KCTD16: variants seen among roughly 807,000 people sequenced by gnomAD.
The protein encoded by KCTD16 is potassium channel tetramerization domain containing 16, also known as BTB/POZ domain-containing protein KCTD16.
KCTD16 carries 13 observed loss-of-function variants against 33.2 expected under a neutral mutation model. That is an observed-to-expected ratio of 0.39 (90% CI 0.25 to 0.62). The LOEUF (loss-of-function observed/expected upper bound fraction) is 0.62, where lower values mean the gene tolerates loss of function less well. KCTD16 is among the 20% of genes least tolerant of loss of function. The pLI, the probability that KCTD16 is intolerant of heterozygous loss-of-function variation, is 0.50. For missense variants in KCTD16, 441 were observed against 525.1 expected, an observed-to-expected ratio of 0.84 and a Z score of 1.57; for synonymous variants, 197 against 195.3, an observed-to-expected ratio of 1.01 and a Z score of -0.07.
intron 3 of KCTD16, among the ~76,000 whole-genome samples, chr5:144,307,690 T>C (rs1751643745): frequency 6.6e-6 from 1 of 152,226 alleles, no homozygotes; most frequent in Non-Finnish European, 1.5e-5. Context: ...CTCTAGGCAC[T>C]CAGTATATGT....
chr5:144,354,082 G>A (rs993611030), intron 3 of KCTD16, among the ~76,000 whole-genome samples: 6 of 152,042 alleles, frequency 3.9e-5, no homozygotes, highest in Non-Finnish European at 8.8e-5. Context: ...ACTTATAATT[G>A]AGAAATGATC....
intron 3 of KCTD16, among the ~76,000 whole-genome samples, chr5:144,351,229 A>T (rs778805031): frequency 1.6e-4 from 24 of 152,050 alleles, no homozygotes; most frequent in Non-Finnish European, 2.2e-4. Context: ...TGTCTTGATC[A>T]TATTGTGAAG....
chr5:144,173,247 A>C (rs372114547), intron 1 of KCTD16, among the ~76,000 whole-genome samples: 1 of 152,378 alleles, frequency 6.6e-6, no homozygotes, highest in African/African-American at 2.4e-5. Context: ...CATCCATCAT[A>C]GACTGGATAA....
chr5:144,299,137 TATATATATA>T (rs1362265141), intron 3 of KCTD16, among the ~76,000 whole-genome samples: 56 of 33,446 alleles, frequency 1.7e-3, no homozygotes, highest in Middle Eastern at 0.014. Flanking sequence ...TATATATATA[TATATATATA>T]TATTTTTTTT....
intron 3 of KCTD16, among the ~76,000 whole-genome samples, chr5:144,303,065 G>T (rs966544176): frequency 6.6e-6 from 1 of 152,194 alleles, no homozygotes; most frequent in African/African-American, 2.4e-5. Flanking sequence ...GTGTTTGGTT[G>T]TATAATTGAC....
At chr5:144,447,940 G>A (rs968493950) in intron 3 of KCTD16, among the ~76,000 whole-genome samples, 17 of 152,030 alleles carry the variant, frequency 1.1e-4, no homozygotes, top group African/African-American at 3.9e-4. Context: ...AGTTCTAAGG[G>A]TGAGACCAAG....
intron 3 of KCTD16, among the ~76,000 whole-genome samples, chr5:144,208,920 T>C (rs1753278572): frequency 6.6e-6 from 1 of 152,262 alleles, no homozygotes; most frequent in African/African-American, 2.4e-5. Flanking sequence ...TCTTTCTTTA[T>C]GCTAGAGCTT....
intron 3 of KCTD16, among the ~76,000 whole-genome samples, chr5:144,453,793 AT>A (rs1157262102): frequency 1.3e-5 from 2 of 152,268 alleles, no homozygotes; most frequent in East Asian, 3.9e-4. Context: ...AAGTTCTAAT[AT>A]CGTATCTTAT....
chr5:144,302,709 A>T (rs1346935721), intron 3 of KCTD16, among the ~76,000 whole-genome samples: 1 of 152,236 alleles, frequency 6.6e-6, no homozygotes. Flanking sequence ...TTCTGATTCT[A>T]GCTCTGACAT....
chr5:144,366,973 C>T (rs1229721176), intron 3 of KCTD16, among the ~76,000 whole-genome samples: 1 of 152,156 alleles, frequency 6.6e-6, no homozygotes, highest in Non-Finnish European at 1.5e-5. Flanking sequence ...GGCTCATGGC[C>T]TCTGCCTCCC....
At chr5:144,171,497 G>A (rs1247958690) in intron 1 of KCTD16, among the ~76,000 whole-genome samples, 4 of 152,106 alleles carry the variant, frequency 2.6e-5, no homozygotes, top group Admixed American at 6.5e-5. Flanking sequence ...TTCTTTATTG[G>A]GGGCTGCCCT....
chr5:144,395,526 G>A (rs901605000), intron 3 of KCTD16, among the ~76,000 whole-genome samples: 2 of 152,088 alleles, frequency 1.3e-5, no homozygotes, highest in Admixed American at 6.5e-5. Context: ...CTCTGCAATC[G>A]CAGCTGGGCC....
chr5:144,359,673 T>A (rs929756564), intron 3 of KCTD16, among the ~76,000 whole-genome samples: 3 of 150,826 alleles, frequency 2.0e-5, no homozygotes, highest in African/African-American at 7.3e-5. Context: ...GCTATTAGCA[T>A]CTAGTAGGCA....
intron 2 of KCTD16, among the ~76,000 whole-genome samples, chr5:144,186,520 G>T (rs1243615921): frequency 2.6e-5 from 4 of 152,070 alleles, no homozygotes; most frequent in Admixed American, 1.3e-4. Flanking sequence ...CAATATTCTA[G>T]ATTTGTAGTT....
At chr5:144,185,136 A>G (rs753618923) in intron 2 of KCTD16, among the ~76,000 whole-genome samples, 1 of 152,216 alleles carries the variant, frequency 6.6e-6, no homozygotes, top group Non-Finnish European at 1.5e-5. Context: ...GAGAGAGGTA[A>G]GTGACTTGTC....
intron 2 of KCTD16, among the ~76,000 whole-genome samples, chr5:144,195,529 G>A (rs1442492819): frequency 1.3e-5 from 2 of 152,194 alleles, no homozygotes; most frequent in Non-Finnish European, 2.9e-5. Context: ...AGGAACCACA[G>A]AAAGAGGGAG....
In KCTD16 at chr5:144,210,876, C is replaced by T. The variant is rs571622370; in HGVS notation, c.832+3330C>T. ...AGCACTAAGATTTAAAGGCATTTGC[C>T]TCTAATAAAGCTGTGATAACGTGAC... On this transcript the variant is annotated intron_variant, in intron 3 of 3. Coordinates refer to ENST00000512467, the MANE Select transcript of KCTD16 (RefSeq NM_020768.4). 3.3e-5 allele frequency among the ~76,000 whole-genome samples: 5 copies of T among 152,222 alleles called. No individual in the cohort carries two copies. The South Asian group carries it at 1.0e-3, about 32-fold the overall frequency.
At position 144,345,208 on chromosome 5, in the gene KCTD16, G is replaced by T. The variant is rs1008267907; in HGVS notation, c.833-128452G>T. Among the ~76,000 whole-genome samples the T allele has an allele frequency of 2.1e-5, 3 of 140,082 alleles. No individual in the cohort carries two copies. The Admixed American group carries it at 2.2e-4, about 10-fold the overall frequency. 91.9% of individuals were successfully genotyped at this position (140,082 alleles called of 152,430 possible). On this transcript the variant is annotated intron_variant, in intron 3 of 3. Transcript: ENST00000512467. The stretch of plus-strand genomic sequence containing the variant: ...CATCACACTCTGGGGACTGTTGTGG[G>T]GTGGGGGAGGGGGGAGGGATAGCAT...
intron 3 of KCTD16, among the ~76,000 whole-genome samples, chr5:144,218,254 G>A (rs1753625665): frequency 1.3e-5 from 2 of 152,114 alleles, no homozygotes; most frequent in South Asian, 4.1e-4. Flanking sequence ...TGATGAGGAA[G>A]TGTAAACTGA....
Sources: allele counts gnomAD v4.1 joint callset (sites outside exome capture counted in the v4.1 genomes callset), GRCh38; gene constraint gnomAD v4.1.1; transcripts MANE v1.5; gene names NCBI Gene and HGNC (gene_info 2026-07-23, HGNC 2026-07-21).